STRIP2: variants seen among roughly 807,000 people sequenced by gnomAD.
The protein encoded by STRIP2 is striatin-interacting protein 2.
STRIP2 carries 84 observed loss-of-function variants against 107.1 expected under a neutral mutation model. That is an observed-to-expected ratio of 0.78 (90% CI 0.66 to 0.94). The LOEUF (loss-of-function observed/expected upper bound fraction) is 0.94, where lower values mean the gene tolerates loss of function less well. Among genes scored for constraint, STRIP2 ranks in the 40% least tolerant of loss-of-function variants. STRIP2 has a pLI of 0.00. For missense variants in STRIP2, 888 were observed against 1,034.2 expected, an observed-to-expected ratio of 0.86 and a Z score of 1.94; for synonymous variants, 394 against 400.4, an observed-to-expected ratio of 0.98 and a Z score of 0.19.
chr7:129,453,060 C>T (rs759639373), intron 4 of STRIP2, among the ~76,000 whole-genome samples, 167 bp from the exon 5 acceptor site: 21 of 152,182 alleles, frequency 1.4e-4, no homozygotes, highest in Admixed American at 5.9e-4. Context: ...GACTACCTCT[C>T]CTCTCCCCTG....
intron 18 of STRIP2, among the ~76,000 whole-genome samples, chr7:129,473,083 G>A (rs557545289): frequency 6.6e-6 from 1 of 151,756 alleles, no homozygotes; most frequent in African/African-American, 2.4e-5. Flanking sequence ...CACAACGAAT[G>A]GCTATAGGAT....
Position 129,485,962 on chromosome 7 carries a change from A to G in STRIP2, c.*133A>G. 1 of 1,007,322 alleles carries G rather than the reference A, an allele frequency of 9.9e-7. No individual in the cohort carries two copies. The highest frequency in any genetic ancestry group is 1.5e-6 in the Non-Finnish European group (1 of 687,974). 62.4% of individuals were successfully genotyped at this position (1,007,322 alleles called of 1,614,324 possible). ...GGCTCTTGGGCCTAAAGATGGTGCA[A>G]GGGTGGGATCCTGAATCACAATAAA... On this transcript the variant is annotated 3_prime_UTR_variant, in exon 21 of 21. Coordinates refer to ENST00000249344, the MANE Select transcript of STRIP2 (RefSeq NM_020704.3).
intron 3 of STRIP2, among the ~76,000 whole-genome samples, chr7:129,450,611 C>T (rs1263526276): frequency 1.3e-5 from 2 of 152,204 alleles, no homozygotes; most frequent in Non-Finnish European, 2.9e-5. Flanking sequence ...GAGTGAGAAG[C>T]AGCTTTTACA....
At chr7:129,434,673 CG>C in intron 1 of STRIP2, 72 bp downstream of exon 1, 2 of 1,394,094 alleles carry the variant, frequency 1.4e-6, no homozygotes, top group Non-Finnish European at 1.9e-6. Context: ...TGAGGTGATT[CG>C]GCCTCGGCCC....
chr7:129,436,831 C>T (rs1427055876), intron 1 of STRIP2, among the ~76,000 whole-genome samples: 2 of 152,192 alleles, frequency 1.3e-5, no homozygotes, highest in Admixed American at 1.3e-4. Context: ...CCTACCTTCT[C>T]CCACTGGCTT....
chr7:129,454,817 A>C (rs973935255), intron 7 of STRIP2, among the ~76,000 whole-genome samples: 1 of 152,196 alleles, frequency 6.6e-6, no homozygotes, highest in African/African-American at 2.4e-5. Flanking sequence ...TCCCACATGA[A>C]AAAATGAGTT....
In STRIP2 at chr7:129,453,229, A is replaced by T. The variant is rs781690587; in HGVS notation, c.412A>T (p.Thr138Ser). Residue 138 changes from threonine (T) to serine (S), a missense_variant and splice_region_variant, in exon 5 of 21, where the codon ACT becomes TCT. Thr to Ser is a moderately conservative substitution (Grantham distance 58). Coordinates refer to ENST00000249344, the MANE Select transcript of STRIP2 (RefSeq NM_020704.3). ...ARAVLYLAQG[T>S]FGECDSEVDV... ...GTAACAACTGTCTGGTCCTTTAGGTACTTTTGGGGAATGTGATTCAGAGGT... is the reference window on the plus strand; with the variant it reads ...GTAACAACTGTCTGGTCCTTTAGGTTCTTTTGGGGAATGTGATTCAGAGGT... 1 of 1,613,886 alleles carries T rather than the reference A, an allele frequency of 6.2e-7. No individual in the cohort carries two copies. Among genetic ancestry groups the T allele is most frequent in the African/African-American group, 1.3e-5 (1 of 74,888 alleles).
At chr7:129,477,237 G>GA (rs1313454334) in intron 18 of STRIP2, among the ~76,000 whole-genome samples, 1 of 142,356 alleles carries the variant, frequency 7.0e-6, no homozygotes, top group African/African-American at 2.6e-5. Flanking sequence ...GGGAGAGGGA[G>GA]AGGGCTATTG....
Position 129,459,577 on chromosome 7 carries a change from G to T in STRIP2, c.1401G>T (p.Lys467Asn). Residue 467 changes from lysine (K) to asparagine (N), a missense_variant, in exon 12 of 21, where the codon AAG (lysine) becomes AAT (asparagine). Lys to Asn is a moderately conservative substitution (Grantham distance 94). Coordinates refer to ENST00000249344, the MANE Select transcript of STRIP2 (RefSeq NM_020704.3). ...TCCATGAGAGTGTGAAGACCCTAAA[G>T]CAGGTGACTGGGGTGGGCTCTCAGT... ...RPIHESVKTL[K>N]QHKYISIADV... 6.2e-7 allele frequency: 1 copy of T among 1,613,834 alleles called. No individual in the cohort carries two copies. Among genetic ancestry groups the T allele is most frequent in the Non-Finnish European group, 8.5e-7 (1 of 1,179,766 alleles).
At chr7:129,462,485 G>T (rs1054529032) in intron 13 of STRIP2, among the ~76,000 whole-genome samples, 5 of 152,110 alleles carry the variant, frequency 3.3e-5, no homozygotes, top group Non-Finnish European at 7.4e-5. Flanking sequence ...TGAGGGAGCT[G>T]GTCAGAAAGG....
At chr7:129,435,934 CA>C (rs1349343620) in intron 1 of STRIP2, among the ~76,000 whole-genome samples, 1 of 152,044 alleles carries the variant, frequency 6.6e-6, no homozygotes, top group Non-Finnish European at 1.5e-5. Flanking sequence ...GGAATCCATT[CA>C]TTTTTTTTCA....
intron 20 of STRIP2, 53 bp from the exon 21 acceptor site, chr7:129,485,526 G>C (rs1338877531): frequency 2.7e-5 from 43 of 1,589,306 alleles, no homozygotes; most frequent in Non-Finnish European, 3.5e-5. Flanking sequence ...TCTGTGATAA[G>C]AGGAGCAGTG....
chr7:129,476,176 C>A (rs1226258883), intron 18 of STRIP2, among the ~76,000 whole-genome samples: 3 of 150,850 alleles, frequency 2.0e-5, no homozygotes, highest in Non-Finnish European at 4.4e-5. Flanking sequence ...GACGGGGCGG[C>A]TGGCCGGGCG....
intron 14 of STRIP2, among the ~76,000 whole-genome samples, chr7:129,463,269 T>C (rs1798589806): frequency 6.6e-6 from 1 of 152,206 alleles, no homozygotes; most frequent in Admixed American, 6.5e-5. Context: ...TTGGGGTCTC[T>C]ACAGGATACA....
In STRIP2 at chr7:129,434,530, G is replaced by C; in HGVS notation, c.58G>C (p.Gly20Arg). 1 of 1,518,362 alleles carries C rather than the reference G, an allele frequency of 6.6e-7. No homozygotes were observed. Among genetic ancestry groups the C allele is most frequent in the Non-Finnish European group, 8.8e-7 (1 of 1,140,508 alleles). 94.1% of individuals were successfully genotyped at this position (1,518,362 alleles called of 1,614,324 possible). A position where few individuals can be genotyped will look rare whatever the true frequency, so the allele number is the denominator to read the frequency against. The change falls in exon 1 of 21, where the codon GGC (glycine) becomes CGC (arginine). Residue 20 changes from glycine to arginine, a missense_variant. Gly to Arg is a moderately radical substitution (Grantham distance 125). Coordinates refer to ENST00000249344, the MANE Select transcript of STRIP2 (RefSeq NM_020704.3). ...CCCGCCCGCAAATGGCAATGGCAAC[G>C]GCGGCGGCAAAGGGAAGCAGGCGGC... The part of the protein sequence containing the change: ...GGPPANGNGN[G>R]GGKGKQAAPK...
chr7:129,478,008 G>T (rs189584511), intron 18 of STRIP2: 233 of 463,252 alleles, frequency 5.0e-4, no homozygotes, highest in Middle Eastern at 3.0e-3. Context: ...ATAGATAAGT[G>T]TGTGGAGATG....
chr7:129,440,973 A>C (rs1797884135), intron 2 of STRIP2, among the ~76,000 whole-genome samples: 1 of 152,168 alleles, frequency 6.6e-6, no homozygotes, highest in Admixed American at 6.5e-5. Flanking sequence ...TAAGTTTAAT[A>C]ACCAACAAAG....
In STRIP2 at chr7:129,472,775, C is replaced by CTTTTTTTTTTTTTTTTTTTTT. The variant is rs1491462474; in HGVS notation, c.1944+2060_1944+2061insTTTTTTTTTTTTTTTTTTTTT. 3.5e-4 allele frequency among the ~76,000 whole-genome samples: 24 copies of CTTTTTTTTTTTTTTTTTTTTT among 68,890 alleles called. 12 individuals are homozygous for CTTTTTTTTTTTTTTTTTTTTT. The highest frequency in any genetic ancestry group is 4.6e-4 in the Admixed American group (2 of 4,318). 45.2% of individuals were successfully genotyped at this position (68,890 alleles called of 152,430 possible). A position where few individuals can be genotyped will look rare whatever the true frequency, so the allele number is the denominator to read the frequency against. On this transcript the variant is annotated intron_variant, in intron 18 of 20. Coordinates refer to ENST00000249344, the MANE Select transcript of STRIP2 (RefSeq NM_020704.3). Reference sequence around the variant, plus strand: ...AATATATAGAATTTTCTTTTCTTTTCCTTTTTTTTTTTTTTTTTTTTTTTT... The same window carrying CTTTTTTTTTTTTTTTTTTTTT: ...AATATATAGAATTTTCTTTTCTTTTCTTTTTTTTTTTTTTTTTTTTTCTTTTTTTTTTTTTTTTTTTTTTTT...
intron 13 of STRIP2, chr7:129,460,660 G>T: frequency 5.1e-6 from 2 of 390,216 alleles, no homozygotes; most frequent in South Asian, 4.9e-5. Flanking sequence ...GTTGGAGTAG[G>T]TAGACCTCTG....
Sources: gnomAD v4.1 joint callset for allele counts (sites outside exome capture counted in the v4.1 genomes callset) on GRCh38, gnomAD v4.1.1 for gene constraint, MANE v1.5 for transcripts, NCBI Gene and HGNC (gene_info 2026-07-23, HGNC 2026-07-21) for gene names.